The following CHSY3 variants were observed in gnomAD, a reference collection of about 807,000 sequenced individuals.
The protein encoded by CHSY3 is chondroitin sulfate synthase 3.
A neutral mutation model predicts 67.2 loss-of-function variants in CHSY3; 35 were observed. The ratio of observed to expected loss-of-function variants is 0.52; its 90% CI spans 0.40 to 0.69. CHSY3 has a LOEUF of 0.69. CHSY3 is among the 30% of genes least tolerant of loss of function. The pLI is 0.00. For synonymous variants in CHSY3, 474 were observed against 434.7 expected (o/e 1.09, Z -1.12); for missense variants, 1,069 against 1,138.5 (o/e 0.94, Z 0.88).
At chr5:130,135,902 A>G (rs1436336880) in intron 2 of CHSY3, among the ~76,000 whole-genome samples, 1 of 152,242 alleles carries the variant, frequency 6.6e-6, no homozygotes, top group Non-Finnish European at 1.5e-5. Context: ...TATATAACCA[A>G]TAAACCAAAA....
At chr5:130,169,968 T>A (rs1382875256) in intron 2 of CHSY3, among the ~76,000 whole-genome samples, 2 of 152,004 alleles carry the variant, frequency 1.3e-5, no homozygotes, top group Non-Finnish European at 1.5e-5. Flanking sequence ...CTTTCTTTTA[T>A]TTTTAAATTT....
chr5:130,149,021 G>C (rs977818637), intron 2 of CHSY3, among the ~76,000 whole-genome samples: 1 of 152,060 alleles, frequency 6.6e-6, no homozygotes, highest in Admixed American at 6.6e-5. Context: ...GGTTTTTATA[G>C]TTTTGTGTTT....
chr5:129,996,374 T>C (rs778655296), intron 2 of CHSY3, among the ~76,000 whole-genome samples: 12 of 152,150 alleles, frequency 7.9e-5, no homozygotes, highest in Non-Finnish European at 1.3e-4. Flanking sequence ...CAAATGTGAG[T>C]GTCTCAAAAA....
chr5:130,132,152 A>T (rs955677537), intron 2 of CHSY3, among the ~76,000 whole-genome samples: 12 of 152,200 alleles, frequency 7.9e-5, no homozygotes, highest in Non-Finnish European at 1.6e-4. Flanking sequence ...TGTAAGCTCC[A>T]TAGAGGCATA....
intron 2 of CHSY3, chr5:130,001,817 A>G: frequency 2.4e-6 from 2 of 829,410 alleles, no homozygotes; most frequent in African/African-American, 1.8e-5. Context: ...GAATACAAAT[A>G]TCTATTTTCC....
chr5:129,916,988 C>G (rs1760751276), intron 2 of CHSY3, among the ~76,000 whole-genome samples: 1 of 152,070 alleles, frequency 6.6e-6, no homozygotes, highest in Non-Finnish European at 1.5e-5. Context: ...TTAAGTAAGC[C>G]TCTTCTTTTG....
chr5:130,007,858 G>C (rs927405347), intron 2 of CHSY3, among the ~76,000 whole-genome samples: 1 of 152,108 alleles, frequency 6.6e-6, no homozygotes, highest in East Asian at 1.9e-4. Context: ...TTGTCTGCCA[G>C]CCTCTCTCAG....
chr5:129,936,250 G>A (rs1383956886), intron 2 of CHSY3, among the ~76,000 whole-genome samples: 2 of 152,160 alleles, frequency 1.3e-5, no homozygotes, highest in African/African-American at 2.4e-5. Flanking sequence ...GCAATTTTGC[G>A]TGGCATGTTA....
intron 2 of CHSY3, among the ~76,000 whole-genome samples, chr5:129,969,348 A>T (rs1364540136): frequency 6.6e-6 from 1 of 151,824 alleles, no homozygotes; most frequent in East Asian, 1.9e-4. Flanking sequence ...CAATGTAATG[A>T]TTTACTCATT....
At chr5:130,015,137 A>T (rs1292938773) in intron 2 of CHSY3, among the ~76,000 whole-genome samples, 1 of 151,796 alleles carries the variant, frequency 6.6e-6, no homozygotes, top group East Asian at 1.9e-4. Flanking sequence ...TTCTCATGAG[A>T]TCTGATGGTT....
At chr5:130,098,947 T>C (rs1767139617) in intron 2 of CHSY3, among the ~76,000 whole-genome samples, 1 of 152,206 alleles carries the variant, frequency 6.6e-6, no homozygotes, top group Non-Finnish European at 1.5e-5. Context: ...AAAAATGCCT[T>C]TACATTAATG....
intron 2 of CHSY3, among the ~76,000 whole-genome samples, chr5:129,998,195 C>G (rs1445941603): frequency 6.6e-6 from 1 of 152,140 alleles, no homozygotes; most frequent in Non-Finnish European, 1.5e-5. Flanking sequence ...CACTTTTATG[C>G]TAGCCTATAT....
At chr5:130,020,442 TATATATATATATATATA>T (rs1276937140) in intron 2 of CHSY3, among the ~76,000 whole-genome samples, 2,015 of 54,646 alleles carry the variant, frequency 0.037, 140 homozygotes, top group Middle Eastern at 0.12. Flanking sequence ...TATATATATA[TATATATATATATATATA>T]TATTTTTTTT....
At chr5:129,929,434 C>T (rs1476216289) in intron 2 of CHSY3, among the ~76,000 whole-genome samples, 2 of 152,114 alleles carry the variant, frequency 1.3e-5, no homozygotes, top group Non-Finnish European at 2.9e-5. Flanking sequence ...GTTTTTCTTT[C>T]AGCTATACTA....
intron 2 of CHSY3, among the ~76,000 whole-genome samples, chr5:130,062,200 A>C (rs948408760): frequency 6.6e-6 from 1 of 152,182 alleles, no homozygotes; most frequent in African/African-American, 2.4e-5. Context: ...ACACCATGGA[A>C]TATTACATGG....
At chr5:129,988,023 A>AGATATG (rs1763255077) in intron 2 of CHSY3, among the ~76,000 whole-genome samples, 1 of 152,216 alleles carries the variant, frequency 6.6e-6, no homozygotes, top group Non-Finnish European at 1.5e-5. Context: ...AATAATCTAC[A>AGATATG]GATATGCTTG....
At chr5:130,140,193 A>T (rs555007143) in intron 2 of CHSY3, 121 of 253,108 alleles carry the variant, frequency 4.8e-4, no homozygotes, top group South Asian at 7.4e-4. Flanking sequence ...CAGTGATGCC[A>T]CAAAGAATCA....
In CHSY3 at chr5:130,077,799, G is replaced by GTATA. The variant is rs76554919; in HGVS notation, c.1087-106421_1087-106418dup. On this transcript the variant is annotated intron_variant, in intron 2 of 2. Transcript: ENST00000305031. ...TTGTAGTTCTGACATATATATGTGT[G>GTATA]TATATATATATACACACATATATAT... 7.6e-3 allele frequency among the ~76,000 whole-genome samples: 1,144 copies of GTATA among 150,440 alleles called. 6 individuals are homozygous for GTATA. The highest frequency in any genetic ancestry group is 0.011 in the Non-Finnish European group (755 of 67,570).
intron 2 of CHSY3, among the ~76,000 whole-genome samples, chr5:130,059,110 C>G (rs1201147988): frequency 6.6e-6 from 1 of 152,138 alleles, no homozygotes; most frequent in African/African-American, 2.4e-5. Flanking sequence ...AGATTATCTT[C>G]TGTAAAATGT....
Sources: gnomAD v4.1 joint callset for allele counts (sites outside exome capture counted in the v4.1 genomes callset) on GRCh38, gnomAD v4.1.1 for gene constraint, MANE v1.5 for transcripts, NCBI Gene and HGNC (gene_info 2026-07-23, HGNC 2026-07-21) for gene names.